MYH14: variants seen among roughly 807,000 people sequenced by gnomAD.
MYH14 encodes the protein myosin-14.
Under a neutral mutation model 255.5 loss-of-function variants are expected in MYH14, and 123 were observed. The ratio of observed to expected loss-of-function variants is 0.48; its 90% confidence interval spans 0.42 to 0.56. MYH14 has a LOEUF of 0.56. Ranked by LOEUF, MYH14 falls within the 20% of genes least tolerant of loss-of-function variation. The probability of loss-of-function intolerance (pLI) is 0.00; values close to 1 mark genes in which losing one functional copy is unlikely to be tolerated. For missense variants in MYH14, 2,423 were observed against 2,802.3 expected (o/e 0.86, Z 3.06); for synonymous variants, 1,095 against 1,161.2 (o/e 0.94, Z 1.16).
intron 30 of MYH14, among the ~76,000 whole-genome samples, chr19:50,279,280 G>A (rs992584039): frequency 2.0e-5 from 3 of 151,988 alleles, no homozygotes; most frequent in Non-Finnish European, 2.9e-5. Flanking sequence ...TTAACATAAC[G>A]GTTTCAAGAT....
At chr19:50,259,913 G>A (rs887456665) in intron 19 of MYH14, among the ~76,000 whole-genome samples, 2 of 151,990 alleles carry the variant, frequency 1.3e-5, no homozygotes, top group African/African-American at 4.8e-5. Context: ...AAGTAGAATA[G>A]GACAGAATAG....
chr19:50,224,199 C>T (rs754161558), intron 6 of MYH14, 22 bp downstream of exon 6: 14 of 1,613,758 alleles, frequency 8.7e-6, no homozygotes, highest in East Asian at 2.2e-5. Context: ...GGGATCACCT[C>T]GAGTCTTGCT....
chr19:50,267,557 G>A (rs4802681), intron 23 of MYH14, among the ~76,000 whole-genome samples: 65,853 of 151,428 alleles, frequency 0.43, 14,747 homozygotes, highest in Admixed American at 0.58. Context: ...GGAGGTGGAG[G>A]TTGCAGTGAG....
At chr19:50,209,279 G>C (rs1250036544) in intron 1 of MYH14, among the ~76,000 whole-genome samples, 1 of 152,202 alleles carries the variant, frequency 6.6e-6, no homozygotes, top group Non-Finnish European at 1.5e-5. Context: ...GCAGTGGACA[G>C]CCCGGGGCTA....
chr19:50,253,689 G>A (rs746119529), intron 16 of MYH14, among the ~76,000 whole-genome samples: 1 of 152,116 alleles, frequency 6.6e-6, no homozygotes, highest in African/African-American at 2.4e-5. Context: ...AGGGGTCATA[G>A]GCAGAGATGC....
rs750350465 is a variant in MYH14, at chr19:50,210,428, C to T, written c.63C>T (p.Pro21=). 24 of 1,557,678 alleles carry T rather than the reference C, an allele frequency of 1.5e-5. No individual in the cohort carries two copies. Among genetic ancestry groups the T allele is most frequent in the South Asian group, 9.4e-5 (8 of 84,848 alleles). ...RKAPPRPGPV[P]EAAQPFLFTP... is the part of the protein sequence containing the mutation. ...CGCCCCCCAGGCCGGGCCCAGTGCC[C>T]GAGGCGGCCCAGCCGTTCCTGTTCA... Residue 21 remains proline, a synonymous_variant, in exon 2 of 43, where the codon CCC becomes CCT. Transcript: ENST00000642316.
At chr19:50,306,911 C>T (rs2036671268) in intron 40 of MYH14, 138 bp from the exon 41 acceptor site, 3 of 678,428 alleles carry the variant, frequency 4.4e-6, no homozygotes, top group Admixed American at 2.1e-5. Flanking sequence ...CCTCAGTAAA[C>T]TGTGGGAACC....
In MYH14 at chr19:50,271,853, G is replaced by A. The variant is rs780006064; in HGVS notation, c.3176G>A (p.Arg1059Gln). ...CCATCCCACTCCACCCCTCAGGAGC[G>A]GAAGCTGCTGGAAGATCGTCTGGCC... ...EDQNSKLSKE[R>Q]KLLEDRLAEF... The change falls in exon 26 of 43, where the codon CGG (arginine) becomes CAG (glutamine). Residue 1059 changes from arginine (R) to glutamine (Q), a missense_variant. Transcript: ENST00000642316. The A allele has an allele frequency of 1.4e-5, 23 of 1,613,072 alleles. No homozygotes were observed. Among genetic ancestry groups the A allele is most frequent in the East Asian group, 6.7e-5 (3 of 44,874 alleles).
At chr19:50,226,715 G>A (rs1174631235) in intron 7 of MYH14, among the ~76,000 whole-genome samples, 188 bp from the exon 8 acceptor site, 5 of 152,130 alleles carry the variant, frequency 3.3e-5, no homozygotes, top group East Asian at 3.9e-4. Flanking sequence ...CAAGGGGCCC[G>A]GACCTTGAAT....
At chr19:50,277,458 T>A (rs192960981) in intron 29 of MYH14, among the ~76,000 whole-genome samples, 300 of 151,796 alleles carry the variant, frequency 2.0e-3, no homozygotes, top group Non-Finnish European at 3.5e-3. Context: ...ATACAAAAAC[T>A]AGCTGGGCGT....
intron 40 of MYH14, among the ~76,000 whole-genome samples, chr19:50,305,893 T>C (rs2036636291): frequency 6.6e-6 from 1 of 152,078 alleles, no homozygotes; most frequent in Admixed American, 6.5e-5. Flanking sequence ...GATCACACCA[T>C]TGCACTCCTG....
rs551053216 is a variant in MYH14 at position 50,221,618 on chromosome 19, T to C, written c.563-1465T>C. On this transcript the variant is annotated intron_variant, in intron 3 of 42. Transcript: ENST00000642316. This position sits in a 1 kb window ranked among gnomAD's most constrained non-coding sequence, Gnocchi z 5.3. ...CAGCCTCCTGAGTAGCTGGGGATTATAGGTGGCGCCACCATGCCTGGCTAA... is the reference window on the plus strand; with the variant it reads ...CAGCCTCCTGAGTAGCTGGGGATTACAGGTGGCGCCACCATGCCTGGCTAA... 8.5e-5 allele frequency among the ~76,000 whole-genome samples: 13 copies of C among 152,078 alleles called. No homozygotes were observed. The highest frequency in any genetic ancestry group is 3.1e-4 in the African/African-American group (13 of 41,410).
chr19:50,262,124 C>A (rs1317332428), intron 21 of MYH14, among the ~76,000 whole-genome samples: 2 of 152,002 alleles, frequency 1.3e-5, no homozygotes, highest in Admixed American at 6.6e-5. Context: ...CCAGGCCACA[C>A]CGGACAAGCA....
chr19:50,276,645 T>C lies in MYH14; in HGVS notation c.3681-112T>C, dbSNP rs1169893096. The C allele has an allele frequency of 1.4e-6, 2 of 1,401,070 alleles. No individual in the cohort carries two copies. The highest frequency in any genetic ancestry group is 2.0e-6 in the Non-Finnish European group (2 of 996,890). The allele number at this position is 1,401,070 out of a possible 1,614,324, so 86.8% of individuals were successfully genotyped here. On this transcript the variant is annotated intron_variant, in intron 28 of 42. Transcript: ENST00000642316. This position sits in a 1 kb window ranked among gnomAD's most constrained non-coding sequence, Gnocchi z 4.3. ...CCCAGATCTCCTGAGGAGCATAACA[T>C]GAGGCCCTCATATTTTAAGGAAACA... is the stretch of plus-strand genomic sequence containing the variant.
intron 10 of MYH14, 34 bp downstream of exon 10, chr19:50,232,104 G>A (rs370532598): frequency 1.2e-6 from 2 of 1,604,926 alleles, no homozygotes; most frequent in South Asian, 1.1e-5. Flanking sequence ...GGGGTAGGGG[G>A]GAACCCCACG....
At chr19:50,205,801 G>C (rs1269870444) in intron 1 of MYH14, among the ~76,000 whole-genome samples, 1 of 152,174 alleles carries the variant, frequency 6.6e-6, no homozygotes, top group Non-Finnish European at 1.5e-5. Flanking sequence ...TCTGGGGTCT[G>C]TAGGAGCAGG....
intron 11 of MYH14, among the ~76,000 whole-genome samples, chr19:50,245,208 C>T (rs766465224): frequency 7.2e-5 from 11 of 151,964 alleles, no homozygotes; most frequent in Non-Finnish European, 1.3e-4. Flanking sequence ...CACTTGAGGC[C>T]ATGAGTTCGA....
chr19:50,248,407 A>C (rs1327904339), intron 12 of MYH14, among the ~76,000 whole-genome samples: 1 of 152,118 alleles, frequency 6.6e-6, no homozygotes, highest in Non-Finnish European at 1.5e-5. Context: ...CACCATGAGC[A>C]GGGAGGGTGG....
rs1309486478 is a variant in MYH14 at position 50,276,725 on chromosome 19, AT to A, written c.3681-30del. 6.2e-7 allele frequency: 1 copy of A among 1,612,774 alleles called. No homozygotes were observed. The highest frequency in any genetic ancestry group is 1.3e-5 in the African/African-American group (1 of 74,880). ...AGCCCCTGCCTTCCTCTGCTCTGAA[AT>A]TCCCATCCTCTCTCCTTTCCCCCAA... is the stretch of plus-strand genomic sequence containing the variant. On this transcript the variant is annotated intron_variant, in intron 28 of 42. Coordinates refer to ENST00000642316, the MANE Select transcript of MYH14 (RefSeq NM_001145809.2). The surrounding 1 kb of genome is among the most constrained non-coding windows in gnomAD (Gnocchi z 4.3).
Sources: allele counts gnomAD v4.1 joint callset (sites outside exome capture counted in the v4.1 genomes callset), GRCh38; gene constraint gnomAD v4.1.1; non-coding constraint Gnocchi (gnomAD v3.1); transcripts MANE v1.5; gene names NCBI Gene and HGNC (gene_info 2026-07-23, HGNC 2026-07-21).